CTIF: variants seen among roughly 807,000 people sequenced by gnomAD.
CTIF encodes the protein CBP80/20-dependent translation initiation factor.
A neutral mutation model predicts 66.0 loss-of-function variants in CTIF; 21 were observed. That is an observed-to-expected ratio of 0.32 (90% CI 0.23 to 0.46). The LOEUF (loss-of-function observed/expected upper bound fraction) is 0.46. Ranked by LOEUF, CTIF falls within the 20% of genes least tolerant of loss-of-function variation. The pLI, the probability that CTIF is intolerant of heterozygous loss-of-function variation, is 1.00. For missense variants in CTIF, 739 were observed against 812.7 expected (o/e 0.91, Z 1.10); for synonymous variants, 345 against 326.4 (o/e 1.06, Z -0.62).
chr18:48,663,829 A>ACCT lies in CTIF; in HGVS notation c.326+13_326+15dup. 1 of 1,613,600 alleles carries ACCT rather than the reference A, an allele frequency of 6.2e-7. No homozygotes were observed. Among genetic ancestry groups the ACCT allele is most frequent in the Non-Finnish European group, 8.5e-7 (1 of 1,179,680 alleles). ...CCAACACCTTCGATTCCTTCAGGTAACCTCCTCCTCCCTCCTTCCCTGTGG... is the reference window on the plus strand; with the variant it reads ...CCAACACCTTCGATTCCTTCAGGTAACCTCCTCCTCCTCCCTCCTTCCCTGTGG... On this transcript the variant is annotated splice_donor_region_variant and intron_variant, in intron 4 of 11. Transcript: ENST00000256413.
At chr18:48,810,718 C>CTT (rs1233073242) in intron 9 of CTIF, among the ~76,000 whole-genome samples, 1 of 145,650 alleles carries the variant, frequency 6.9e-6, no homozygotes, top group Non-Finnish European at 1.5e-5. Flanking sequence ...TCCTATGTTT[C>CTT]TTTTTTTTTT....
intron 11 of CTIF, among the ~76,000 whole-genome samples, chr18:48,858,456 G>A (rs1209712512): frequency 8.4e-6 from 1 of 119,606 alleles, no homozygotes; most frequent in Non-Finnish European, 1.7e-5. Context: ...TTCCAGTCTG[G>A]TTAGGAATAG....
intron 10 of CTIF, among the ~76,000 whole-genome samples, chr18:48,846,859 A>G (rs889969171): frequency 6.6e-6 from 1 of 152,038 alleles, no homozygotes; most frequent in Non-Finnish European, 1.5e-5. Flanking sequence ...GGGTGGATGG[A>G]TGGATGGATG....
intron 3 of CTIF, among the ~76,000 whole-genome samples, chr18:48,655,898 T>C (rs1388770105): frequency 6.6e-6 from 1 of 152,236 alleles, no homozygotes; most frequent in Non-Finnish European, 1.5e-5. Flanking sequence ...CCCCCACATA[T>C]GCACTTGCAC....
At chr18:48,571,794 C>G (rs957329363) in intron 1 of CTIF, among the ~76,000 whole-genome samples, 1 of 152,036 alleles carries the variant, frequency 6.6e-6, no homozygotes, top group Non-Finnish European at 1.5e-5. Context: ...CTCCTGGCCT[C>G]AGGGAGCCTG....
intron 7 of CTIF, among the ~76,000 whole-genome samples, chr18:48,712,509 A>T (rs545387500): frequency 6.6e-6 from 1 of 152,382 alleles, no homozygotes; most frequent in East Asian, 1.9e-4. Flanking sequence ...TTGCTTGAAC[A>T]TGCATAAATT....
chr18:48,623,301 T>G (rs938023973), intron 2 of CTIF, among the ~76,000 whole-genome samples: 2 of 152,242 alleles, frequency 1.3e-5, no homozygotes, highest in African/African-American at 4.8e-5. Context: ...TGCTGGGGCC[T>G]GCAGGCCTGC....
chr18:48,797,845 G>GCAAGGCCGAGTGA (rs71165348), intron 9 of CTIF, among the ~76,000 whole-genome samples: 15,710 of 152,084 alleles, frequency 0.1, 834 homozygotes, highest in African/African-American at 0.12. Flanking sequence ...ATGCAGCTCA[G>GCAAGGCCGAGTGA]CAAGGCCGAG....
chr18:48,766,527 G>A (rs2035164544), intron 9 of CTIF, among the ~76,000 whole-genome samples: 1 of 152,198 alleles, frequency 6.6e-6, no homozygotes, highest in Admixed American at 6.5e-5. Context: ...CAGGCAGGGG[G>A]CCTACCCCTA....
chr18:48,728,325 C>CAA (rs1568168892), intron 7 of CTIF, among the ~76,000 whole-genome samples: 1 of 152,226 alleles, frequency 6.6e-6, no homozygotes, highest in Non-Finnish European at 1.5e-5. Context: ...GTACCAAAGC[C>CAA]ACTCTCACAT....
chr18:48,847,519 A>G (rs536016399), intron 10 of CTIF, among the ~76,000 whole-genome samples: 19 of 152,308 alleles, frequency 1.2e-4, no homozygotes, highest in African/African-American at 4.6e-4. Flanking sequence ...ATATGATAAT[A>G]CCTGTGGCCT....
intron 1 of CTIF, among the ~76,000 whole-genome samples, chr18:48,585,940 A>G (rs2089758110): frequency 6.6e-6 from 1 of 152,150 alleles, no homozygotes; most frequent in Non-Finnish European, 1.5e-5. Flanking sequence ...GTTGAGTTTT[A>G]AAAAATAACT....
chr18:48,729,752 G>A (rs1325497138), intron 7 of CTIF, among the ~76,000 whole-genome samples: 1 of 152,174 alleles, frequency 6.6e-6, no homozygotes, highest in Non-Finnish European at 1.5e-5. Context: ...TGGGGAGGGT[G>A]GTCCTGCCTC....
chr18:48,696,740 C>T (rs2092014834), intron 6 of CTIF, among the ~76,000 whole-genome samples: 1 of 152,222 alleles, frequency 6.6e-6, no homozygotes, highest in Non-Finnish European at 1.5e-5. Flanking sequence ...GCAGAGGAAA[C>T]TGAAGCTTAG....
chr18:48,705,422 T>C (rs11661812), intron 6 of CTIF, among the ~76,000 whole-genome samples: 15,091 of 152,274 alleles, frequency 0.099, 977 homozygotes, highest in Middle Eastern at 0.14. Context: ...CATCGTTGGA[T>C]TTAGGGCCCA....
chr18:48,814,741 C>T (rs1293151727), intron 9 of CTIF, among the ~76,000 whole-genome samples: 1 of 152,226 alleles, frequency 6.6e-6, no homozygotes, highest in Admixed American at 6.5e-5. Flanking sequence ...CTAGGACCCC[C>T]TGTGAACACT....
At chr18:48,615,774 A>C (rs796787680) in intron 1 of CTIF, among the ~76,000 whole-genome samples, 3 of 152,020 alleles carry the variant, frequency 2.0e-5, no homozygotes, top group African/African-American at 7.2e-5. Flanking sequence ...TGGACAGGAG[A>C]CCCCGGGGCA....
At chr18:48,790,843 C>A (rs1300738471) in intron 9 of CTIF, among the ~76,000 whole-genome samples, 1 of 152,188 alleles carries the variant, frequency 6.6e-6, no homozygotes, top group African/African-American at 2.4e-5. Context: ...GGGAACACGT[C>A]CTCCTGGGGC....
Position 48,758,411 on chromosome 18 carries a change from G to A in CTIF, c.1071+6G>A, listed in dbSNP as rs562625799. 75 of 1,565,598 alleles carry A rather than the reference G, an allele frequency of 4.8e-5. No homozygotes were observed. Among genetic ancestry groups the A allele is most frequent in the East Asian group, 1.3e-4 (6 of 44,460 alleles). ...GGCGAAGGCTAAAGGAAAAGGTACC[G>A]GTAATTGAATTTTTGTTCTTCTCTT... On this transcript the variant is annotated splice_donor_region_variant and intron_variant, in intron 8 of 11. Transcript: ENST00000256413.
Sources: gnomAD v4.1 joint callset for allele counts (sites outside exome capture counted in the v4.1 genomes callset) on GRCh38, gnomAD v4.1.1 for gene constraint, MANE v1.5 for transcripts, NCBI Gene and HGNC (gene_info 2026-07-23, HGNC 2026-07-21) for gene names.